Variants in MGAT4C observed in about 807,000 individuals in gnomAD.
The protein encoded by MGAT4C is MGAT4 family member C, also known as alpha-1,3-mannosyl-glycoprotein 4-beta-N-acetylglucosaminyltransferase C.
MGAT4C carries 19 observed loss-of-function variants against 40.1 expected under a neutral mutation model. The ratio of observed to expected loss-of-function variants is 0.47; its 90% CI spans 0.33 to 0.70. The LOEUF is 0.70. Ranked by LOEUF, MGAT4C falls within the 30% of genes least tolerant of loss-of-function variation. The probability of loss-of-function intolerance (pLI) is 0.02; values close to 1 mark genes in which losing one functional copy is unlikely to be tolerated. For missense variants in MGAT4C, 491 were observed against 563.2 expected, an observed-to-expected ratio of 0.87 and a Z score of 1.30; for synonymous variants, 181 against 187.1, an observed-to-expected ratio of 0.97 and a Z score of 0.27.
chr12:86,720,898 T>C (rs1430505523), intron 2 of MGAT4C, among the ~76,000 whole-genome samples: 2 of 152,112 alleles, frequency 1.3e-5, no homozygotes, highest in African/African-American at 4.8e-5. Flanking sequence ...TGGGAAATAA[T>C]AAACCATAAT....
intron 2 of MGAT4C, among the ~76,000 whole-genome samples, chr12:86,452,251 C>T (rs1169855660): frequency 6.6e-6 from 1 of 151,118 alleles, no homozygotes; most frequent in African/African-American, 2.4e-5. Context: ...TACATGTGCA[C>T]AACGTGCAGG....
At chr12:86,717,397 C>T (rs1312541536) in intron 2 of MGAT4C, among the ~76,000 whole-genome samples, 1 of 152,084 alleles carries the variant, frequency 6.6e-6, no homozygotes, top group Non-Finnish European at 1.5e-5. Context: ...TTAGTCCTAA[C>T]CCCTTTGTTC....
intron 4 of MGAT4C, among the ~76,000 whole-genome samples, chr12:86,306,310 TGTC>T (rs1953933690): frequency 6.6e-6 from 1 of 150,438 alleles, no homozygotes; most frequent in Non-Finnish European, 1.5e-5. Context: ...CTTCCTAAAT[TGTC>T]ATCATCAGAA....
At chr12:86,680,568 T>C (rs1457672832) in intron 2 of MGAT4C, among the ~76,000 whole-genome samples, 1 of 152,076 alleles carries the variant, frequency 6.6e-6, no homozygotes, top group African/African-American at 2.4e-5. Flanking sequence ...ATTCTGGCCA[T>C]AGGGTTGCAT....
rs886602230 is a variant in MGAT4C at position 85,959,716 on chromosome 12, T to A, written c.*19573A>T. On this transcript the variant is annotated 3_prime_UTR_variant, in exon 5 of 5. Coordinates refer to ENST00000611864, the MANE Select transcript of MGAT4C (RefSeq NM_001351288.2). The stretch of plus-strand genomic sequence containing the variant: ...CTCACTTTTTTCTGCTTTTTTTTTT[T>A]TTTTATTTTCTGCTTGCTGAAATCG... 1 of 151,814 alleles carries A rather than the reference T, an allele frequency of 6.6e-6. No homozygotes were observed. The highest frequency in any genetic ancestry group is 2.4e-5 in the African/African-American group (1 of 41,434). The allele number at this position is 151,814 out of a possible 1,614,324, so 9.4% of individuals were successfully genotyped here. A position where few individuals can be genotyped will look rare whatever the true frequency, so the allele number is the denominator to read the frequency against.
chr12:86,111,400 T>C (rs533352743), intron 1 of MGAT4C, among the ~76,000 whole-genome samples: 1 of 151,970 alleles, frequency 6.6e-6, no homozygotes, highest in Non-Finnish European at 1.5e-5. Context: ...GTTGTACATG[T>C]ATACATAATA....
chr12:86,739,054 A>T (rs1327324868), intron 1 of MGAT4C, among the ~76,000 whole-genome samples: 1 of 124,356 alleles, frequency 8.0e-6, no homozygotes, highest in South Asian at 2.6e-4. Flanking sequence ...TTTATTTATT[A>T]TTGTCATTCC....
intron 3 of MGAT4C, among the ~76,000 whole-genome samples, chr12:86,419,786 G>C (rs983361293): frequency 1.3e-5 from 2 of 152,138 alleles, no homozygotes; most frequent in African/African-American, 4.8e-5. Flanking sequence ...ATAATGTGAA[G>C]GGTGTGTTTC....
At chr12:86,157,494 T>G (rs2135788884) in intron 1 of MGAT4C, among the ~76,000 whole-genome samples, 1 of 152,320 alleles carries the variant, frequency 6.6e-6, no homozygotes, top group Non-Finnish European at 1.5e-5. Context: ...GTTCTTGTTA[T>G]GCAGGTAGAT....
chr12:86,739,136 A>AAAAAAAAAAAAAAAAAAAAAC, intron 1 of MGAT4C, among the ~76,000 whole-genome samples: 1 of 88,930 alleles, frequency 1.1e-5, no homozygotes. Flanking sequence ...CCCTGTGCAA[A>AAAAAAAAAAAAAAAAAAAAAC]AAAAAAAAAA....
chr12:86,689,714 T>A (rs1478746687), intron 2 of MGAT4C, among the ~76,000 whole-genome samples: 2 of 152,128 alleles, frequency 1.3e-5, no homozygotes, highest in Non-Finnish European at 2.9e-5. Context: ...ACCCGCCAGA[T>A]GCCAGCCAGA....
intron 2 of MGAT4C, among the ~76,000 whole-genome samples, chr12:86,639,915 T>A (rs975187474): frequency 6.6e-6 from 1 of 151,738 alleles, no homozygotes; most frequent in Non-Finnish European, 1.5e-5. Flanking sequence ...TGCTGGCTAC[T>A]TAATCAGCTA....
At chr12:86,561,906 C>G (rs1959880647) in intron 2 of MGAT4C, among the ~76,000 whole-genome samples, 1 of 152,150 alleles carries the variant, frequency 6.6e-6, no homozygotes, top group African/African-American at 2.4e-5. Flanking sequence ...CTCCAAAATG[C>G]TAAGGACTCT....
chr12:86,644,128 C>T (rs1565901126), intron 2 of MGAT4C, among the ~76,000 whole-genome samples: 1 of 151,308 alleles, frequency 6.6e-6, no homozygotes, highest in Non-Finnish European at 1.5e-5. Flanking sequence ...AATTATAATG[C>T]TTTATTAATT....
At chr12:86,000,105 C>T (rs1887134470) in intron 2 of MGAT4C, among the ~76,000 whole-genome samples, 1 of 152,038 alleles carries the variant, frequency 6.6e-6, no homozygotes, top group Admixed American at 6.6e-5. Flanking sequence ...TGAAATATCA[C>T]ACTGTACCAC....
intron 2 of MGAT4C, among the ~76,000 whole-genome samples, chr12:86,448,504 A>T (rs1486242198): frequency 6.6e-6 from 1 of 152,156 alleles, no homozygotes; most frequent in Admixed American, 6.5e-5. Context: ...AAATTATATC[A>T]TTTACTCTTT....
At chr12:86,630,590 G>A (rs1962999720) in intron 2 of MGAT4C, among the ~76,000 whole-genome samples, 1 of 151,950 alleles carries the variant, frequency 6.6e-6, no homozygotes, top group South Asian at 2.1e-4. Flanking sequence ...ATGCAAGGCT[G>A]GTTCAACATA....
At chr12:86,434,944 T>A (rs1957111941) in intron 3 of MGAT4C, among the ~76,000 whole-genome samples, 1 of 152,034 alleles carries the variant, frequency 6.6e-6, no homozygotes, top group South Asian at 2.1e-4. Flanking sequence ...CTATGTCCAA[T>A]ACAAATTTAA....
intron 3 of MGAT4C, among the ~76,000 whole-genome samples, chr12:86,434,823 C>T (rs1470586486): frequency 6.6e-6 from 1 of 151,848 alleles, no homozygotes; most frequent in African/African-American, 2.4e-5. Context: ...CACTCTCAGC[C>T]ATGGTATCAG....
Sources: allele counts gnomAD v4.1 joint callset (sites outside exome capture counted in the v4.1 genomes callset), GRCh38; gene constraint gnomAD v4.1.1; transcripts MANE v1.5; gene names NCBI Gene and HGNC (gene_info 2026-07-23, HGNC 2026-07-21).